The following EMC2 variants were observed in gnomAD, a reference collection of about 807,000 sequenced individuals.
The protein encoded by EMC2 is ER membrane protein complex subunit 2, also known as TPR repeat protein 35.
Under a neutral mutation model 51.6 loss-of-function variants are expected in EMC2, and 37 were observed. The ratio of observed to expected loss-of-function variants is 0.72; its 90% CI spans 0.55 to 0.94. The LOEUF (loss-of-function observed/expected upper bound fraction) is 0.94, where lower values mean the gene tolerates loss of function less well. Among genes scored for constraint, EMC2 ranks in the 40% least tolerant of loss-of-function variants. The pLI is 0.00. For synonymous variants in EMC2, 131 were observed against 112.4 expected (o/e 1.17, Z -1.04); for missense variants, 359 against 350.9 (o/e 1.02, Z -0.18).
At chr8:108,476,942 A>G in intron 9 of EMC2, 50 bp downstream of exon 9, 1 of 902,036 alleles carries the variant, frequency 1.1e-6, no homozygotes, top group Non-Finnish European at 1.9e-6. Context: ...TGTCACTTAA[A>G]ATCCATTTAA....
At chr8:108,479,929 C>T (rs1019290990) in intron 10 of EMC2, among the ~76,000 whole-genome samples, 19 of 151,942 alleles carry the variant, frequency 1.3e-4, no homozygotes, top group Admixed American at 9.9e-4. Context: ...AAAATGTTGC[C>T]GTCAGGAAAT....
intron 4 of EMC2, 79 bp downstream of exon 4, chr8:108,453,226 A>C: frequency 1.4e-6 from 1 of 714,702 alleles, no homozygotes; most frequent in South Asian, 2.0e-5. Flanking sequence ...TAATTCAGAC[A>C]TTCTAGAGTG....
rs1340063452 is a variant in EMC2 at position 108,486,595 on chromosome 8, T to G, written c.891T>G (p.Ser297=). 4 of 1,597,748 alleles carry G rather than the reference T, an allele frequency of 2.5e-6. No homozygotes were observed. Among genetic ancestry groups the G allele is most frequent in the Non-Finnish European group, 3.4e-6 (4 of 1,174,102 alleles). ...DMLETLQITQ[S] ...TGGAAACATTGCAGATCACCCAGTC[T>G]TAAGGTTTCAAAAACTCTTTGACAT... Residue 297 remains serine, a synonymous_variant, in exon 11 of 11, where the codon TCT becomes TCG. Transcript: ENST00000220853.
intron 5 of EMC2, among the ~76,000 whole-genome samples, chr8:108,458,569 T>G (rs558467205): frequency 6.6e-6 from 1 of 152,276 alleles, no homozygotes; most frequent in East Asian, 1.9e-4. Context: ...GCTTGTACCC[T>G]CTGAAGCCAC....
chr8:108,455,279 G>A (rs1306192283), intron 4 of EMC2, among the ~76,000 whole-genome samples: 1 of 151,772 alleles, frequency 6.6e-6, no homozygotes, highest in Admixed American at 6.6e-5. Flanking sequence ...TTGAAAGTTT[G>A]TATTGATAAT....
At chr8:108,454,696 C>T (rs1819111115) in intron 4 of EMC2, among the ~76,000 whole-genome samples, 1 of 151,986 alleles carries the variant, frequency 6.6e-6, no homozygotes, top group African/African-American at 2.4e-5. Flanking sequence ...TAGAACCTTC[C>T]AAAGGTTCTA....
chr8:108,455,505 T>C (rs1431823473), intron 4 of EMC2, among the ~76,000 whole-genome samples: 1 of 152,218 alleles, frequency 6.6e-6, no homozygotes, highest in Non-Finnish European at 1.5e-5. Context: ...ATTGTTTAAA[T>C]TCCTAGTCTG....
At chr8:108,443,875 A>G (rs1818812220) in intron 1 of EMC2, among the ~76,000 whole-genome samples, 177 bp downstream of exon 1, 1 of 152,022 alleles carries the variant, frequency 6.6e-6, no homozygotes, top group Admixed American at 6.6e-5. Flanking sequence ...CCGGACGCGT[A>G]CTCTGCAGCG....
chr8:108,464,870 T>C (rs1252533294), intron 5 of EMC2, among the ~76,000 whole-genome samples: 3 of 152,150 alleles, frequency 2.0e-5, no homozygotes, highest in African/African-American at 7.2e-5. Context: ...AGAAGATGCT[T>C]TTAAAATGCC....
At chr8:108,453,824 C>T (rs1475636272) in intron 4 of EMC2, among the ~76,000 whole-genome samples, 1 of 152,120 alleles carries the variant, frequency 6.6e-6, no homozygotes, top group Non-Finnish European at 1.5e-5. Context: ...ATGGAAGTCT[C>T]CAACTTTAAT....
At chr8:108,449,982 G>A in intron 2 of EMC2, 46 bp downstream of exon 2, 1 of 668,680 alleles carries the variant, frequency 1.5e-6, no homozygotes, top group Non-Finnish European at 2.4e-6. Flanking sequence ...CCTCATTCAT[G>A]GGCCTTTTTT....
chr8:108,448,577 C>T (rs187328602), intron 1 of EMC2, among the ~76,000 whole-genome samples: 8 of 152,284 alleles, frequency 5.3e-5, no homozygotes, highest in East Asian at 3.9e-4. Context: ...CTGCCATCCA[C>T]GTAGGATATG....
At chr8:108,473,596 A>G (rs1810897672) in intron 7 of EMC2, among the ~76,000 whole-genome samples, 1 of 152,050 alleles carries the variant, frequency 6.6e-6, no homozygotes, top group African/African-American at 2.4e-5. Context: ...ACAGCAAGGA[A>G]CAGTTAGTAT....
chr8:108,444,575 G>A (rs1321156188), intron 1 of EMC2, among the ~76,000 whole-genome samples: 1 of 152,092 alleles, frequency 6.6e-6, no homozygotes, highest in Non-Finnish European at 1.5e-5. Context: ...GCCTTCTTGG[G>A]ATGTTTTAAT....
chr8:108,470,872 T>C (rs1445398880), intron 7 of EMC2: 15 of 151,926 alleles, frequency 9.9e-5, no homozygotes, highest in Admixed American at 7.9e-4. Context: ...CAGATTCTCA[T>C]GCGCATTTTC....
intron 5 of EMC2, among the ~76,000 whole-genome samples, chr8:108,462,084 G>A (rs773772214): frequency 6.6e-6 from 1 of 152,178 alleles, no homozygotes; most frequent in Non-Finnish European, 1.5e-5. Context: ...TGGGATTATA[G>A]GCATGAGCCA....
intron 10 of EMC2, among the ~76,000 whole-genome samples, chr8:108,479,989 G>A (rs1329716820): frequency 1.3e-5 from 2 of 152,018 alleles, no homozygotes; most frequent in African/African-American, 4.8e-5. Flanking sequence ...GTCTGGTTAC[G>A]CAAAGGAATT....
chr8:108,450,838 T>A (rs1818999783), intron 3 of EMC2, among the ~76,000 whole-genome samples: 1 of 152,240 alleles, frequency 6.6e-6, no homozygotes, highest in Non-Finnish European at 1.5e-5. Flanking sequence ...TAATGTTCAA[T>A]ACTGTTACAC....
chr8:108,464,747 A>G (rs1819426550), intron 5 of EMC2, among the ~76,000 whole-genome samples: 1 of 152,232 alleles, frequency 6.6e-6, no homozygotes, highest in Non-Finnish European at 1.5e-5. Context: ...TCTCTGGTGA[A>G]CACAGGGAAC....
Sources: allele counts gnomAD v4.1 joint callset (sites outside exome capture counted in the v4.1 genomes callset), GRCh38; gene constraint gnomAD v4.1.1; transcripts MANE v1.5; gene names NCBI Gene and HGNC (gene_info 2026-07-23, HGNC 2026-07-21).